Variants in SPATS2 observed in about 807,000 individuals in gnomAD.
The protein encoded by SPATS2 is spermatogenesis-associated serine-rich protein 2.
SPATS2 carries 38 observed loss-of-function variants against 63.7 expected under a neutral mutation model. The ratio of observed to expected loss-of-function variants is 0.60; its 90% CI spans 0.46 to 0.78. SPATS2 has a LOEUF of 0.78. Among genes scored for constraint, SPATS2 ranks in the 30% least tolerant of loss-of-function variants. The probability of loss-of-function intolerance (pLI) is 0.00; values close to 1 mark genes in which losing one functional copy is unlikely to be tolerated. For synonymous variants in SPATS2, 207 were observed against 232.9 expected, an observed-to-expected ratio of 0.89 and a Z score of 1.01; for missense variants, 588 against 666.2, an observed-to-expected ratio of 0.88 and a Z score of 1.29.
At chr12:49,393,064 A>G (rs1406902828) in intron 2 of SPATS2, among the ~76,000 whole-genome samples, 1 of 152,168 alleles carries the variant, frequency 6.6e-6, no homozygotes, top group Admixed American at 6.5e-5. Flanking sequence ...AAAAATAGTA[A>G]TATAGAAACA....
chr12:49,478,769 G>A (rs574320047), intron 3 of SPATS2, among the ~76,000 whole-genome samples: 37 of 152,176 alleles, frequency 2.4e-4, no homozygotes, highest in African/African-American at 8.2e-4. Context: ...AAATTGTTAC[G>A]GATCTTTGGA....
intron 2 of SPATS2, among the ~76,000 whole-genome samples, chr12:49,380,713 A>T (rs1223210976): frequency 1.3e-5 from 2 of 151,082 alleles, no homozygotes; most frequent in Admixed American, 6.6e-5. Flanking sequence ...CTCAAAAAAA[A>T]AATATATATA....
chr12:49,375,141 AGTGTGTGTGTGT>A (rs10601423), intron 2 of SPATS2, among the ~76,000 whole-genome samples: 7,409 of 123,290 alleles, frequency 0.06, 230 homozygotes, highest in Admixed American at 0.07. Context: ...CAAGTTGTGG[AGTGTGTGTGTGT>A]GTGTGTGTGT....
At chr12:49,465,276 A>G (rs1165168167) in intron 3 of SPATS2, among the ~76,000 whole-genome samples, 1 of 152,172 alleles carries the variant, frequency 6.6e-6, no homozygotes, top group Non-Finnish European at 1.5e-5. Context: ...ACTGTTTTCC[A>G]AGGTGGCGAT....
chr12:49,447,958 A>C (rs1407051418), intron 2 of SPATS2, among the ~76,000 whole-genome samples: 1 of 151,548 alleles, frequency 6.6e-6, no homozygotes, highest in Non-Finnish European at 1.5e-5. Context: ...ATTGTGGTCT[A>C]ATCTGTAGTA....
At chr12:49,400,581 A>G (rs115036020) in intron 2 of SPATS2, among the ~76,000 whole-genome samples, 2,214 of 152,282 alleles carry the variant, frequency 0.015, 47 homozygotes, top group African/African-American at 0.05. Context: ...AGATAGGAGC[A>G]GTCAGTTCAT....
At chr12:49,509,179 C>G (rs916162118) in intron 9 of SPATS2, among the ~76,000 whole-genome samples, 1 of 151,558 alleles carries the variant, frequency 6.6e-6, no homozygotes. Context: ...TAGCTTATAA[C>G]TGAGGTGCTT....
intron 12 of SPATS2, among the ~76,000 whole-genome samples, chr12:49,523,944 T>G (rs1946987575): frequency 6.6e-6 from 1 of 150,554 alleles, no homozygotes; most frequent in African/African-American, 2.4e-5. Flanking sequence ...AGAGTGAGAC[T>G]CCGGATCAAA....
chr12:49,514,469 CT>C, intron 9 of SPATS2, 85 bp from the exon 10 acceptor site: 1 of 1,252,440 alleles, frequency 8.0e-7, no homozygotes, highest in Non-Finnish European at 1.1e-6. Flanking sequence ...AACAAACTCA[CT>C]GGTCTTTCTT....
chr12:49,509,179 C>A (rs916162118), intron 9 of SPATS2, among the ~76,000 whole-genome samples: 1 of 151,556 alleles, frequency 6.6e-6, no homozygotes. Flanking sequence ...TAGCTTATAA[C>A]TGAGGTGCTT....
At chr12:49,473,953 C>T (rs1047049831) in intron 3 of SPATS2, among the ~76,000 whole-genome samples, 4 of 152,100 alleles carry the variant, frequency 2.6e-5, no homozygotes, top group Admixed American at 1.3e-4. Context: ...GTCCAGAGAG[C>T]GATTACCTTT....
intron 11 of SPATS2, among the ~76,000 whole-genome samples, chr12:49,519,814 A>ATT (rs113683730): frequency 2.3e-4 from 32 of 136,318 alleles, no homozygotes; most frequent in Middle Eastern, 3.8e-3. Context: ...AGTTACCACT[A>ATT]TTTTTTTTTT....
At chr12:49,492,253 T>C (rs1946394959) in intron 6 of SPATS2, among the ~76,000 whole-genome samples, 1 of 151,672 alleles carries the variant, frequency 6.6e-6, no homozygotes, top group Non-Finnish European at 1.5e-5. Flanking sequence ...GGAGTTTTGC[T>C]CTGTCGCCCA....
intron 9 of SPATS2, among the ~76,000 whole-genome samples, chr12:49,505,607 T>C (rs1258100000): frequency 6.6e-6 from 1 of 152,202 alleles, no homozygotes; most frequent in Non-Finnish European, 1.5e-5. Flanking sequence ...TGAAGCATTT[T>C]GGATTAGGAA....
intron 2 of SPATS2, among the ~76,000 whole-genome samples, chr12:49,450,307 T>G (rs1945596669): frequency 6.6e-6 from 1 of 152,086 alleles, no homozygotes; most frequent in African/African-American, 2.4e-5. Flanking sequence ...TGGCGTGCAG[T>G]GGCACCATAT....
intron 2 of SPATS2, among the ~76,000 whole-genome samples, chr12:49,393,653 C>A (rs910430155): frequency 1.3e-5 from 2 of 152,104 alleles, no homozygotes; most frequent in African/African-American, 4.8e-5. Context: ...ATGTTTCAGG[C>A]ACCGTAGACA....
intron 2 of SPATS2, among the ~76,000 whole-genome samples, chr12:49,383,591 G>A (rs1565694898): frequency 2.0e-5 from 3 of 151,714 alleles, no homozygotes; most frequent in Admixed American, 1.3e-4. Context: ...TTGTAAAGTC[G>A]AGGTCTCACT....
chr12:49,423,600 C>T (rs1175783654), intron 2 of SPATS2, among the ~76,000 whole-genome samples: 1 of 152,148 alleles, frequency 6.6e-6, no homozygotes, highest in South Asian at 2.1e-4. Flanking sequence ...CAAACTCTCA[C>T]AAAGCTTAGA....
At chr12:49,436,670 A>G (rs1225113162) in intron 2 of SPATS2, among the ~76,000 whole-genome samples, 1 of 113,050 alleles carries the variant, frequency 8.8e-6, no homozygotes, top group African/African-American at 3.4e-5. Context: ...CTCTCTTCCC[A>G]GTAGGGGCGG....
Sources: gnomAD v4.1 joint callset for allele counts (sites outside exome capture counted in the v4.1 genomes callset) on GRCh38, gnomAD v4.1.1 for gene constraint, MANE v1.5 for transcripts, NCBI Gene and HGNC (gene_info 2026-07-23, HGNC 2026-07-21) for gene names.